RHOT1: variants seen among roughly 807,000 people sequenced by gnomAD.
RHOT1 encodes mitochondrial Rho GTPase 1.
Under a neutral mutation model 95.3 loss-of-function variants are expected in RHOT1, and 27 were observed. The observed-to-expected ratio is 0.28, with a 90% CI of 0.21 to 0.39. RHOT1 has a LOEUF of 0.39. Ranked by LOEUF, RHOT1 falls within the 10% of genes least tolerant of loss-of-function variation. RHOT1 has a pLI of 1.00. For synonymous variants in RHOT1, 227 were observed against 263.5 expected (o/e 0.86, Z 1.34); for missense variants, 578 against 786.7 (o/e 0.73, Z 3.17).
At chr17:32,194,757 A>G (rs1350636497) in intron 11 of RHOT1, among the ~76,000 whole-genome samples, 1 of 151,442 alleles carries the variant, frequency 6.6e-6, no homozygotes, top group Non-Finnish European at 1.5e-5. Flanking sequence ...TCAGTTTTAT[A>G]GCCTGTTCTT....
chr17:32,203,012 C>G (rs1247768537), intron 15 of RHOT1, 112 bp downstream of exon 15: 2 of 999,566 alleles, frequency 2.0e-6, no homozygotes, highest in Admixed American at 2.3e-5. Flanking sequence ...ACTCAATGGC[C>G]TGTATTAGTC....
chr17:32,209,371 A>G (rs1172527896), intron 18 of RHOT1: 2 of 1,609,762 alleles, frequency 1.2e-6, no homozygotes, highest in Non-Finnish European at 1.7e-6. Context: ...ACAGAGACAG[A>G]CTCTCCCGAG....
At chr17:32,205,806 A>C (rs1195310343) in intron 16 of RHOT1, among the ~76,000 whole-genome samples, 1 of 152,174 alleles carries the variant, frequency 6.6e-6, no homozygotes, top group Non-Finnish European at 1.5e-5. Flanking sequence ...TCAGTCTCCC[A>C]AAGTGCTGGG....
chr17:32,204,786 G>A (rs1194670056), intron 16 of RHOT1, among the ~76,000 whole-genome samples: 9 of 151,704 alleles, frequency 5.9e-5, no homozygotes, highest in African/African-American at 1.9e-4. Flanking sequence ...TCAGGAGTTC[G>A]AGACCAGCCT....
chr17:32,202,810 T>C lies in RHOT1; in HGVS notation c.1242T>C (p.Thr414=), dbSNP rs1465618874. The change falls in exon 15 of 20, where the codon ACT becomes ACC. Residue 414 remains threonine (T), a synonymous_variant. Coordinates refer to ENST00000545287, the MANE Select transcript of RHOT1 (RefSeq NM_001033566.3). The part of the protein sequence containing the change: ...DKKIDLQKKQ[T]QRNVFRCNVI... ...AGATAGACCTGCAGAAAAAACAAAC[T>C]CAAAGAAATGTGTTCAGATGTAATG... The C allele has an allele frequency of 1.9e-6, 3 of 1,607,564 alleles. No homozygotes were observed. Among genetic ancestry groups the C allele is most frequent in the Non-Finnish European group, 2.6e-6 (3 of 1,176,200 alleles).
chr17:32,165,266 G>A (rs947152019), intron 1 of RHOT1, among the ~76,000 whole-genome samples: 59 of 148,184 alleles, frequency 4.0e-4, no homozygotes, highest in African/African-American at 1.5e-3. Context: ...AAACCCAAGA[G>A]GCAGAGCTTG....
chr17:32,146,914 T>TC (rs1399753061), intron 1 of RHOT1, among the ~76,000 whole-genome samples: 1 of 147,070 alleles, frequency 6.8e-6, no homozygotes, highest in African/African-American at 2.5e-5. Flanking sequence ...TTTTTTTTTT[T>TC]TTTTTTTTTT....
chr17:32,171,971 T>C (rs956938820), intron 2 of RHOT1, among the ~76,000 whole-genome samples: 2 of 152,224 alleles, frequency 1.3e-5, no homozygotes, highest in African/African-American at 2.4e-5. Flanking sequence ...AGTGAGGAGC[T>C]GTTGGCTAAA....
At chr17:32,198,620 G>A (rs562615045) in intron 11 of RHOT1, among the ~76,000 whole-genome samples, 4 of 152,192 alleles carry the variant, frequency 2.6e-5, no homozygotes, top group Non-Finnish European at 5.9e-5. Flanking sequence ...GAGATGGGTA[G>A]ATTGATTGAG....
chr17:32,153,625 C>T (rs2142389762), intron 1 of RHOT1, among the ~76,000 whole-genome samples: 1 of 152,276 alleles, frequency 6.6e-6, no homozygotes, highest in Non-Finnish European at 1.5e-5. Context: ...TGCCACTGTA[C>T]TCTTGCCTGG....
intron 1 of RHOT1, among the ~76,000 whole-genome samples, chr17:32,167,370 A>G (rs2034180492): frequency 6.7e-6 from 1 of 149,886 alleles, no homozygotes; most frequent in South Asian, 2.1e-4. Flanking sequence ...TCTGTCGCCC[A>G]GGCTAGAGTG....
chr17:32,146,026 T>C (rs28647759), intron 1 of RHOT1, among the ~76,000 whole-genome samples: 1,840 of 152,242 alleles, frequency 0.012, 33 homozygotes, highest in African/African-American at 0.042. Context: ...AGAAAATAGA[T>C]GTATATCATC....
chr17:32,160,587 G>C (rs2033442284), intron 1 of RHOT1, among the ~76,000 whole-genome samples: 1 of 152,184 alleles, frequency 6.6e-6, no homozygotes, highest in Non-Finnish European at 1.5e-5. Flanking sequence ...TCCCTCTTTG[G>C]GGCCCTGTGG....
At chr17:32,196,029 A>G (rs1159528832) in intron 11 of RHOT1, among the ~76,000 whole-genome samples, 3 of 152,124 alleles carry the variant, frequency 2.0e-5, no homozygotes, top group African/African-American at 7.2e-5. Context: ...ATTTTCTGCA[A>G]AATAACTCCC....
At chr17:32,171,257 A>G (rs1249930390) in intron 2 of RHOT1, among the ~76,000 whole-genome samples, 156 bp downstream of exon 2, 7 of 152,048 alleles carry the variant, frequency 4.6e-5, no homozygotes, top group East Asian at 3.8e-4. Flanking sequence ...GTCTCACTCT[A>G]TTGCCCAGGC....
chr17:32,224,407 A>G (rs2039019209), intron 19 of RHOT1, among the ~76,000 whole-genome samples: 1 of 152,186 alleles, frequency 6.6e-6, no homozygotes, highest in Non-Finnish European at 1.5e-5. Flanking sequence ...AATTGTCTTT[A>G]TTAGTATCTA....
chr17:32,176,504 C>T (rs1327284445), intron 6 of RHOT1, among the ~76,000 whole-genome samples: 1 of 152,038 alleles, frequency 6.6e-6, no homozygotes, highest in East Asian at 1.9e-4. Flanking sequence ...ATAAATCTTA[C>T]ATTTCTCTTC....
intron 1 of RHOT1, chr17:32,143,279 A>T (rs374000280): frequency 8.3e-6 from 3 of 363,388 alleles, no homozygotes; most frequent in Non-Finnish European, 1.6e-5. Flanking sequence ...TGGCACTCGC[A>T]GTCTTCACTC....
chr17:32,142,582 G>T lies in RHOT1; in HGVS notation c.-111G>T. ...GAAGCAACTGAGGGGGCGGCGCGGCGGGCCCCGGCGGCCGAAGAGGCTGGC... is the reference window on the plus strand; with the variant it reads ...GAAGCAACTGAGGGGGCGGCGCGGCTGGCCCCGGCGGCCGAAGAGGCTGGC... On this transcript the variant is annotated 5_prime_UTR_variant, in exon 1 of 20. Transcript: ENST00000545287. 2 of 880,004 alleles carry T rather than the reference G, an allele frequency of 2.3e-6. No individual in the cohort carries two copies. The highest frequency in any genetic ancestry group is 1.6e-6 in the Non-Finnish European group (1 of 621,010). The allele number at this position is 880,004 out of a possible 1,614,324, so 54.5% of individuals were successfully genotyped here. A position where few individuals can be genotyped will look rare whatever the true frequency, so the allele number is the denominator to read the frequency against.
Sources: allele counts gnomAD v4.1 joint callset (sites outside exome capture counted in the v4.1 genomes callset), GRCh38; gene constraint gnomAD v4.1.1; transcripts MANE v1.5; gene names NCBI Gene and HGNC (gene_info 2026-07-23, HGNC 2026-07-21).